Variants in THAP3 observed in about 807,000 individuals in gnomAD.
The protein encoded by THAP3 is THAP domain-containing protein 3.
Under a neutral mutation model 17.7 loss-of-function variants are expected in THAP3, and 12 were observed. The observed-to-expected ratio is 0.68, with a 90% CI of 0.43 to 1.10. The LOEUF is 1.10. THAP3 is among the 50% of genes least tolerant of loss of function. The pLI, the probability that THAP3 is intolerant of heterozygous loss-of-function variation, is 0.00. For missense variants in THAP3, 289 were observed against 318.0 expected (o/e 0.91, Z 0.69); for synonymous variants, 133 against 126.9 (o/e 1.05, Z -0.32).
chr1:6,633,277 T>G lies in THAP3; in HGVS notation c.*200T>G, dbSNP rs1403953520. On this transcript the variant is annotated 3_prime_UTR_variant, in exon 6 of 6. Coordinates refer to ENST00000054650, the MANE Select transcript of THAP3 (RefSeq NM_001195753.2). ...TGGGGGACGTTTAGAGGCGTGGCAC[T>G]AGGAGTGCACATCTGTGAGCATGAC... The G allele has an allele frequency of 7.0e-7, 1 of 1,431,206 alleles. No homozygotes were observed. The highest frequency in any genetic ancestry group is 9.1e-7 in the Non-Finnish European group (1 of 1,098,976). 88.7% of individuals were successfully genotyped at this position (1,431,206 alleles called of 1,614,324 possible). A position where few individuals can be genotyped will look rare whatever the true frequency, so the allele number is the denominator to read the frequency against.
Position 6,625,160 on chromosome 1 carries a change from T to A in THAP3, c.-59T>A. 98 of 1,103,444 alleles carry A rather than the reference T, an allele frequency of 8.9e-5. No homozygotes were observed. The highest frequency in any genetic ancestry group is 1.2e-4 in the Non-Finnish European group (92 of 778,604). The allele number at this position is 1,103,444 out of a possible 1,614,324, so 68.4% of individuals were successfully genotyped here. A position where few individuals can be genotyped will look rare whatever the true frequency, so the allele number is the denominator to read the frequency against. On this transcript the variant is annotated 5_prime_UTR_variant, in exon 2 of 6. Transcript: ENST00000054650. ...CGCCCCTCCCCGCAGGTCCCTCCCC[T>A]CTCCGCAGGCCCCGCCGCCGCCGCC...
downstream of THAP3, chr1:6,634,823 T>C (rs1485053424): frequency 7.9e-6 from 10 of 1,259,914 alleles, no homozygotes; most frequent in South Asian, 1.4e-4. Context: ...GTCCACGCCT[T>C]TGGGTTGGGT....
At chr1:6,633,563 C>A, downstream of THAP3, 1 of 1,063,232 alleles carries the variant, frequency 9.4e-7, no homozygotes, top group South Asian at 3.0e-5. Flanking sequence ...TCTTTCTATA[C>A]GGTGTCGCTC....
chr1:6,634,390 C>T, downstream of THAP3: 1 of 1,205,886 alleles, frequency 8.3e-7, no homozygotes, highest in Non-Finnish European at 1.1e-6. Flanking sequence ...ACAACCCGAA[C>T]TGCTTTTCAA....
At chr1:6,634,980 C>T (rs577646218), downstream of THAP3, 278 of 777,954 alleles carry the variant, frequency 3.6e-4, 3 homozygotes, top group South Asian at 5.2e-3. Context: ...CACCGGGATA[C>T]GGGAAGCCAC....
At chr1:6,627,132 C>T (rs1316873803) in intron 2 of THAP3, among the ~76,000 whole-genome samples, 1 of 152,196 alleles carries the variant, frequency 6.6e-6, no homozygotes, top group Admixed American at 6.5e-5. Context: ...TCTTCTCAGT[C>T]TCCTTTGCTG....
chr1:6,625,555 C>G (rs1641445410), intron 2 of THAP3, among the ~76,000 whole-genome samples: 1 of 152,088 alleles, frequency 6.6e-6, no homozygotes, highest in South Asian at 2.1e-4. Flanking sequence ...GCTGAACAGA[C>G]TAGCGGGCCG....
rs1641531948 is a variant in THAP3, at chr1:6,628,812, C to T, written c.267+121C>T. On this transcript the variant is annotated intron_variant, in intron 3 of 5. Transcript: ENST00000054650. ...CCAAGGCCAAGAACTCCAGTGACAA[C>T]AGCACTGTCACGCCTCTGGGGTCCA... is the stretch of plus-strand genomic sequence containing the variant. The T allele has an allele frequency of 1.5e-5, 15 of 981,210 alleles. No individual in the cohort carries two copies. In the Admixed American group the frequency reaches 2.6e-4, roughly 17 times the overall value. The allele number at this position is 981,210 out of a possible 1,614,324, so 60.8% of individuals were successfully genotyped here.
chr1:6,628,919 T>C (rs1191383655), intron 3 of THAP3, among the ~76,000 whole-genome samples: 1 of 152,208 alleles, frequency 6.6e-6, no homozygotes, highest in Non-Finnish European at 1.5e-5. Flanking sequence ...AATTATTCTA[T>C]GGCTGGGTGC....
At chr1:6,626,707 G>A (rs1043525423) in intron 2 of THAP3, among the ~76,000 whole-genome samples, 1 of 152,204 alleles carries the variant, frequency 6.6e-6, no homozygotes, top group Non-Finnish European at 1.5e-5. Context: ...TTACCCGGGC[G>A]TGGTAGCGCG....
At position 6,633,562 on chromosome 1, in the gene THAP3, A is replaced by T; in HGVS notation, c.*485A>T. The T allele has an allele frequency of 9.3e-7, 1 of 1,071,024 alleles. No individual in the cohort carries two copies. Among genetic ancestry groups the T allele is most frequent in the South Asian group, 2.9e-5 (1 of 34,684 alleles). The allele number at this position is 1,071,024 out of a possible 1,614,324, so 66.3% of individuals were successfully genotyped here. ...GCAGTGTAATAAAGTGTCTTTCTAT[A>T]CGGTGTCGCTCCCATCATCATTTTC... On this transcript the variant is annotated 3_prime_UTR_variant, in exon 6 of 6. Coordinates refer to ENST00000054650, the MANE Select transcript of THAP3 (RefSeq NM_001195753.2).
intron 2 of THAP3, among the ~76,000 whole-genome samples, chr1:6,626,251 T>C (rs1341868420): frequency 2.0e-5 from 3 of 152,106 alleles, no homozygotes; most frequent in Non-Finnish European, 4.4e-5. Context: ...GAGGCTGCAG[T>C]GAGCTATAAT....
chr1:6,634,165 G>T, downstream of THAP3: 1 of 1,354,406 alleles, frequency 7.4e-7, no homozygotes. Context: ...AAGAGCGCCA[G>T]CCTCTGCTTT....
chr1:6,632,969 G>A lies in THAP3; in HGVS notation c.612G>A (p.Lys204=). 6.2e-7 allele frequency: 1 copy of A among 1,612,952 alleles called. No homozygotes were observed. Among genetic ancestry groups the A allele is most frequent in the East Asian group, 2.2e-5 (1 of 44,894 alleles). ...LTLKENEKLR[K]RLQAQRLVMR... ...TGAAGGAAAATGAAAAGCTCCGGAAGCGCTTGCAGGCCCAGAGGCTGGTGA... is the reference window on the plus strand; with the variant it reads ...TGAAGGAAAATGAAAAGCTCCGGAAACGCTTGCAGGCCCAGAGGCTGGTGA... Residue 204 remains lysine (K), a synonymous_variant, in exon 6 of 6, where the codon AAG becomes AAA. Transcript: ENST00000054650.
intron 4 of THAP3, among the ~76,000 whole-genome samples, chr1:6,630,891 T>G (rs1641593762): frequency 6.6e-6 from 1 of 150,856 alleles, no homozygotes; most frequent in African/African-American, 2.5e-5. Context: ...TTTTTTTTTG[T>G]AGAGATAGCA....
downstream of THAP3, chr1:6,635,564 A>T (rs899683048): frequency 3.6e-5 from 42 of 1,154,958 alleles, 1 homozygote; most frequent in South Asian, 5.7e-4. Flanking sequence ...CACCTTCTAT[A>T]ATAATAATAT....
In THAP3 at chr1:6,625,226, A is replaced by C; in HGVS notation, c.8A>C (p.Lys3Thr). The C allele has an allele frequency of 6.5e-7, 1 of 1,543,122 alleles. No homozygotes were observed. Among genetic ancestry groups the C allele is most frequent in the Non-Finnish European group, 8.7e-7 (1 of 1,145,916 alleles). Residue 3 changes from lysine (K) to threonine (T), a missense_variant, in exon 2 of 6, where the codon AAG becomes ACG. Physicochemically the swap from Lys to Thr is moderately conservative, Grantham distance 78 (BLOSUM62 -1). Coordinates refer to ENST00000054650, the MANE Select transcript of THAP3 (RefSeq NM_001195753.2). MPKSCAARQCCNR... is the reference protein window; with the variant it reads MPTSCAARQCCNR... ...AGCCAGGCCTGGCTCGAGATGCCGAAGTCGTGCGCGGCCCGGCAGTGCTGC... is the reference window on the plus strand; with the variant it reads ...AGCCAGGCCTGGCTCGAGATGCCGACGTCGTGCGCGGCCCGGCAGTGCTGC...
intron 2 of THAP3, among the ~76,000 whole-genome samples, chr1:6,626,961 T>C (rs1641484424): frequency 6.6e-6 from 1 of 152,256 alleles, no homozygotes; most frequent in Non-Finnish European, 1.5e-5. Flanking sequence ...TTGCTGCGCC[T>C]TCTCTCTTGA....
At chr1:6,634,824 T>C (rs1231260362), downstream of THAP3, 1 of 1,256,110 alleles carries the variant, frequency 8.0e-7, no homozygotes, top group Non-Finnish European at 1.0e-6. Context: ...TCCACGCCTT[T>C]GGGTTGGGTG....
Sources: gnomAD v4.1 joint callset for allele counts (sites outside exome capture counted in the v4.1 genomes callset) on GRCh38, gnomAD v4.1.1 for gene constraint, MANE v1.5 for transcripts, NCBI Gene and HGNC (gene_info 2026-07-23, HGNC 2026-07-21) for gene names.